SESN3: variants seen among roughly 807,000 people sequenced by gnomAD.
SESN3 encodes sestrin-3.
In SESN3, 21 loss-of-function variants were observed where a neutral mutation model predicts 55.3. The observed-to-expected ratio is 0.38, with a 90% CI of 0.27 to 0.55. SESN3 has a LOEUF of 0.55. Among genes scored for constraint, SESN3 ranks in the 20% least tolerant of loss-of-function variants. SESN3 has a pLI of 0.76. For missense variants in SESN3, 408 were observed against 604.3 expected, an observed-to-expected ratio of 0.68 and a Z score of 3.41; for synonymous variants, 181 against 203.1, an observed-to-expected ratio of 0.89 and a Z score of 0.93.
At chr11:95,182,175 C>A in intron 6 of SESN3, 1 of 317,068 alleles carries the variant, frequency 3.2e-6, no homozygotes, top group Non-Finnish European at 6.2e-6. Context: ...TTCAAAAGAC[C>A]TAAGAGAAAT....
intron 1 of SESN3, among the ~76,000 whole-genome samples, chr11:95,204,386 TAA>T (rs750867649): frequency 1.6e-4 from 24 of 152,306 alleles, no homozygotes; most frequent in Non-Finnish European, 3.1e-4. Flanking sequence ...TTAATAAACC[TAA>T]GATTGAAATT....
chr11:95,204,678 T>A (rs1860516318), intron 1 of SESN3: 1 of 152,224 alleles, frequency 6.6e-6, no homozygotes, highest in Non-Finnish European at 1.5e-5. Flanking sequence ...TAGCTGTTTA[T>A]GAACTAGGAA....
At chr11:95,179,368 C>T (rs1390464896) in intron 6 of SESN3, among the ~76,000 whole-genome samples, 1 of 152,076 alleles carries the variant, frequency 6.6e-6, no homozygotes, top group East Asian at 1.9e-4. Flanking sequence ...ATTGGCCAGG[C>T]TGGTCTCGAA....
intron 4 of SESN3, among the ~76,000 whole-genome samples, chr11:95,186,955 ATATTT>A (rs1018271383): frequency 1.1e-4 from 16 of 151,876 alleles, no homozygotes; most frequent in African/African-American, 3.9e-4. Flanking sequence ...TAACTTTTAC[ATATTT>A]TATTTTTTAT....
In SESN3 at chr11:95,185,457, C is replaced by A; in HGVS notation, c.561G>T (p.Leu187=). Residue 187 remains leucine, a synonymous_variant, in exon 5 of 10, where the codon CTG becomes CTT. Transcript: ENST00000536441. ...LVKTGENNWS[L]PELVHAVVLL... is the part of the protein sequence containing the mutation. ...GGACCACAGCATGTACCAGTTCAGG[C>A]AGAGACCAATTATTTTCTCCAGTTT... 1.2e-6 allele frequency: 2 copies of A among 1,612,658 alleles called. No homozygotes were observed. Among genetic ancestry groups the A allele is most frequent in the Non-Finnish European group, 1.7e-6 (2 of 1,179,044 alleles).
intron 1 of SESN3, among the ~76,000 whole-genome samples, chr11:95,222,750 G>C (rs1271346349): frequency 1.3e-5 from 2 of 152,150 alleles, no homozygotes; most frequent in African/African-American, 2.4e-5. Context: ...ATTAGAAAAG[G>C]CTTTTTGGAA....
intron 1 of SESN3, among the ~76,000 whole-genome samples, chr11:95,229,679 T>A (rs556104467): frequency 7.7e-4 from 116 of 151,586 alleles, no homozygotes; most frequent in South Asian, 5.2e-3. Flanking sequence ...CTTCCTTTTT[T>A]AAAAAAAAAT....
intron 1 of SESN3, among the ~76,000 whole-genome samples, chr11:95,199,978 CT>C (rs1565469624): frequency 6.6e-6 from 1 of 151,892 alleles, no homozygotes; most frequent in South Asian, 2.1e-4. Flanking sequence ...TGCCAACATT[CT>C]TTTTTAAATA....
chr11:95,177,392 G>A (rs1428840878), intron 8 of SESN3, among the ~76,000 whole-genome samples: 1 of 152,068 alleles, frequency 6.6e-6, no homozygotes, highest in Admixed American at 6.6e-5. Context: ...GTGATCTAAA[G>A]GGACACTACA....
At chr11:95,181,630 A>C (rs1363743038) in intron 6 of SESN3, among the ~76,000 whole-genome samples, 1 of 152,112 alleles carries the variant, frequency 6.6e-6, no homozygotes, top group Non-Finnish European at 1.5e-5. Flanking sequence ...AAATACAAAA[A>C]ACAGTAAAAG....
At chr11:95,213,364 A>T (rs1591072241) in intron 1 of SESN3, among the ~76,000 whole-genome samples, 3 of 152,220 alleles carry the variant, frequency 2.0e-5, no homozygotes, top group Admixed American at 6.5e-5. Context: ...ATACTGAGAT[A>T]AGATTTAGTC....
At position 95,189,793 on chromosome 11, in the gene SESN3, T is replaced by C. The variant is rs138123867; in HGVS notation, c.511A>G (p.Lys171Glu). 14 of 1,605,130 alleles carry C rather than the reference T, an allele frequency of 8.7e-6. No individual in the cohort carries two copies. In the African/African-American group the frequency reaches 1.9e-4, roughly 22 times the overall value. ...LLAHRPWLIT[K>E]EHIQKLVKTG... is the part of the protein sequence containing the mutation. The stretch of plus-strand genomic sequence containing the variant: ...ACATTCAGTACCTGAATGTGCTCTT[T>C]TGTGATCAGCCAAGGTCGATGTGCT... The change falls in exon 4 of 10, where the codon AAA (lysine) becomes GAA (glutamate). Residue 171 changes from lysine to glutamate, a missense_variant. Around this residue, in one of 4 missense-constraint regions of SESN3, gnomAD observed 107 missense variants for 211.3 expected, o/e 0.51. Transcript: ENST00000536441.
intron 1 of SESN3, among the ~76,000 whole-genome samples, chr11:95,223,053 TCAGA>T (rs1227827778): frequency 3.9e-5 from 6 of 152,146 alleles, no homozygotes; most frequent in Non-Finnish European, 7.3e-5. Flanking sequence ...GCAGATCTAA[TCAGA>T]CAGAGTAAAT....
chr11:95,168,286 G>A lies in SESN3; in HGVS notation c.*4969C>T, dbSNP rs1185971739. On this transcript the variant is annotated 3_prime_UTR_variant, in exon 10 of 10. Transcript: ENST00000536441. ...AGAATTTTAACTTTACATTCAAATAGCTTGGACTAACAACAGTATTCATTC... is the reference window on the plus strand; with the variant it reads ...AGAATTTTAACTTTACATTCAAATAACTTGGACTAACAACAGTATTCATTC... The A allele has an allele frequency of 6.6e-6, 1 of 152,172 alleles. No individual in the cohort carries two copies. Among genetic ancestry groups the A allele is most frequent in the East Asian group, 1.9e-4 (1 of 5,200 alleles). The allele number at this position is 152,172 out of a possible 1,614,324, so 9.4% of individuals were successfully genotyped here.
intron 1 of SESN3, chr11:95,204,044 T>C (rs924261200): frequency 7.2e-5 from 11 of 152,386 alleles, no homozygotes; most frequent in Middle Eastern, 3.4e-3. Context: ...ACTGCAGTTA[T>C]ATAAGAATAT....
At chr11:95,201,904 T>C (rs946087559) in intron 1 of SESN3, among the ~76,000 whole-genome samples, 1 of 152,064 alleles carries the variant, frequency 6.6e-6, no homozygotes, top group African/African-American at 2.4e-5. Context: ...TTGTCTTTTC[T>C]GTGCTCTGTG....
At chr11:95,181,210 A>G (rs1383683534) in intron 6 of SESN3, among the ~76,000 whole-genome samples, 1 of 152,040 alleles carries the variant, frequency 6.6e-6, no homozygotes, top group African/African-American at 2.4e-5. Flanking sequence ...TGTTTTGCTC[A>G]TATACATTTT....
intron 1 of SESN3, among the ~76,000 whole-genome samples, chr11:95,225,841 C>T (rs1029671833): frequency 6.6e-6 from 1 of 152,050 alleles, no homozygotes; most frequent in South Asian, 2.1e-4. Context: ...AGATTTACCA[C>T]CCCCCCTTTT....
At position 95,177,983 on chromosome 11, in the gene SESN3, T is replaced by G. The variant is rs904976377; in HGVS notation, c.1057-74A>C. 8 of 1,044,666 alleles carry G rather than the reference T, an allele frequency of 7.7e-6. No homozygotes were observed. The South Asian group carries it at 9.0e-5, about 12-fold the overall frequency. 64.7% of individuals were successfully genotyped at this position (1,044,666 alleles called of 1,614,324 possible). ...AATTCTATGTATTATTAAATATAAC[T>G]AATGAAGCAAGTAAGCGAGGCTATT... is the stretch of plus-strand genomic sequence containing the variant. On this transcript the variant is annotated intron_variant, in intron 7 of 9. Transcript: ENST00000536441.
Sources: allele counts gnomAD v4.1 joint callset (sites outside exome capture counted in the v4.1 genomes callset), GRCh38; gene constraint gnomAD v4.1.1; regional missense constraint gnomAD v4.1.1; transcripts MANE v1.5; gene names NCBI Gene and HGNC (gene_info 2026-07-23, HGNC 2026-07-21).